Variants in SYNE1 observed in about 807,000 individuals in gnomAD.
The protein encoded by SYNE1 is nesprin-1.
In SYNE1, 616 loss-of-function variants were observed where a neutral mutation model predicts 1,111.0. The ratio of observed to expected loss-of-function variants is 0.55; its 90% CI spans 0.52 to 0.59. The LOEUF (loss-of-function observed/expected upper bound fraction) is 0.59, where lower values mean the gene tolerates loss of function less well. Ranked by LOEUF, SYNE1 falls within the 20% of genes least tolerant of loss-of-function variation. SYNE1 has a pLI of 0.00. For missense variants in SYNE1, 10,006 were observed against 10,417.0 expected, an observed-to-expected ratio of 0.96 and a Z score of 1.72; for synonymous variants, 3,855 against 3,825.8, an observed-to-expected ratio of 1.01 and a Z score of -0.28.
At chr6:152,477,576 C>G (rs766740038) in intron 14 of SYNE1, among the ~76,000 whole-genome samples, 38 of 152,230 alleles carry the variant, frequency 2.5e-4, no homozygotes, top group Non-Finnish European at 4.3e-4. Flanking sequence ...GCAACAACAC[C>G]TAATATCCCA....
intron 25 of SYNE1, 43 bp from the exon 26 acceptor site, chr6:152,451,248 T>C (rs1363353901): frequency 6.2e-7 from 1 of 1,602,316 alleles, no homozygotes; most frequent in East Asian, 2.2e-5. Flanking sequence ...ATGAAGTTCC[T>C]GATTATGTAC....
Position 152,339,306 on chromosome 6 carries a change from T to C in SYNE1, c.12286A>G (p.Met4096Val). 6.2e-7 allele frequency: 1 copy of C among 1,614,108 alleles called. No individual in the cohort carries two copies. The highest frequency in any genetic ancestry group is 8.5e-7 in the Non-Finnish European group (1 of 1,179,950). The change falls in exon 75 of 146, where the codon ATG (methionine) becomes GTG (valine). Residue 4096 changes from methionine to valine, a missense_variant. This residue lies in a region of SYNE1 where 4,955 missense variants were observed against 5,017.2 expected (regional missense o/e 0.99). Coordinates refer to ENST00000367255, the MANE Select transcript of SYNE1 (RefSeq NM_182961.4). ...ARTYLDLLCS[M>V]CDLSNASVKT... is the part of the protein sequence containing the mutation. Reference sequence around the variant, plus strand: ...ACCGAAGCATTTGACAGGTCACACATGGAGCAAAGGAGATCTAGGTAGGTC... The same window carrying C: ...ACCGAAGCATTTGACAGGTCACACACGGAGCAAAGGAGATCTAGGTAGGTC...
At position 152,334,246 on chromosome 6, in the gene SYNE1, G is replaced by T. The variant is rs1046912123; in HGVS notation, c.12556C>A (p.Gln4186Lys). The change falls in exon 77 of 146, where the codon CAG (glutamine) becomes AAG (lysine). Residue 4186 changes from glutamine to lysine, a missense_variant. Physicochemically the swap from Gln to Lys is moderately conservative, Grantham distance 53 (BLOSUM62 1). This residue lies in a region of SYNE1 where 4,955 missense variants were observed against 5,017.2 expected (regional missense o/e 0.99). Coordinates refer to ENST00000367255, the MANE Select transcript of SYNE1 (RefSeq NM_182961.4). ...TCTATTATGGTGTTCACGGATGCCT[G>T]TTTGCTCTGTAGTTTCTTAACAAAA... ...KDFVKKLQSK[Q>K]ASVNTIIEKV... 1 of 1,613,826 alleles carries T rather than the reference G, an allele frequency of 6.2e-7. No individual in the cohort carries two copies. The highest frequency in any genetic ancestry group is 8.5e-7 in the Non-Finnish European group (1 of 1,180,006).
chr6:152,380,273 C>A (rs1433085106), intron 56 of SYNE1, among the ~76,000 whole-genome samples: 1 of 152,042 alleles, frequency 6.6e-6, no homozygotes, highest in Non-Finnish European at 1.5e-5. Flanking sequence ...TACTAAATTT[C>A]CTTTTAAGGA....
rs753069133 is a variant in SYNE1, at chr6:152,364,874, AG to A, written c.10117del (p.Leu3373PhefsTer40). The part of the protein sequence containing the change: ...LQSVKDMWAS[L>X]LSAGIRCKSQ... ...TTTACAACGAATCCCTGCAGACAAA[AG>A]GGATGCCCACATATCCTTCACACTC... On this transcript the variant is annotated frameshift_variant, in exon 63 of 146. Coordinates refer to ENST00000367255, the MANE Select transcript of SYNE1 (RefSeq NM_182961.4). LOFTEE classifies it high-confidence loss of function. 3 of 1,614,048 alleles carry A rather than the reference AG, an allele frequency of 1.9e-6. No individual in the cohort carries two copies. In the African/African-American group the frequency reaches 4.0e-5, roughly 22 times the overall value.
chr6:152,567,620 C>T (rs2099418328), intron 3 of SYNE1, among the ~76,000 whole-genome samples: 1 of 152,154 alleles, frequency 6.6e-6, no homozygotes, highest in Non-Finnish European at 1.5e-5. Context: ...GCCTGAAACT[C>T]TCCTTCTATT....
chr6:152,363,362 CGG>C (rs2096976697), intron 63 of SYNE1, among the ~76,000 whole-genome samples: 3 of 149,642 alleles, frequency 2.0e-5, no homozygotes, highest in South Asian at 4.2e-4. Context: ...GGCATGGTGG[CGG>C]GCGCCTGTAG....
chr6:152,376,118 C>T (rs1045186748), intron 58 of SYNE1: 2 of 419,808 alleles, frequency 4.8e-6, no homozygotes, highest in African/African-American at 2.0e-5. Context: ...AGAAGGAGCA[C>T]ACAGCCTAGT....
chr6:152,209,756 GA>G (rs112146398), intron 124 of SYNE1, among the ~76,000 whole-genome samples: 20,394 of 130,068 alleles, frequency 0.16, 1,457 homozygotes, highest in East Asian at 0.24. Context: ...TCTCAAAAAA[GA>G]AAAAAAAAAA....
Position 152,294,115 on chromosome 6 carries a change from A to G in SYNE1, c.17695T>C (p.Tyr5899His). The change falls in exon 94 of 146, where the codon TAC (tyrosine) becomes CAC (histidine). Residue 5899 changes from tyrosine to histidine, a missense_variant. Transcript: ENST00000367255. ...DASVNQDIAY[Y>H]QALSAERLQT... Reference sequence around the variant, plus strand: ...AACCTCTCAGCAGACAAGGCTTGGTAATATGCAATGTCCTGTGAGTGCAAA... The same window carrying G: ...AACCTCTCAGCAGACAAGGCTTGGTGATATGCAATGTCCTGTGAGTGCAAA... The G allele has an allele frequency of 6.2e-7, 1 of 1,613,700 alleles. No individual in the cohort carries two copies. The highest frequency in any genetic ancestry group is 8.5e-7 in the Non-Finnish European group (1 of 1,179,996).
intron 6 of SYNE1, among the ~76,000 whole-genome samples, chr6:152,518,497 G>A (rs950183320): frequency 3.3e-5 from 5 of 151,782 alleles, no homozygotes; most frequent in African/African-American, 7.3e-5. Context: ...TTCTCCTTCC[G>A]CCATGATTGT....
In SYNE1 at chr6:152,433,876, G is replaced by C. The variant is rs754437869; in HGVS notation, c.4380C>G (p.Val1460=). Residue 1460 remains valine, a synonymous_variant, in exon 34 of 146, where the codon GTC becomes GTG. Coordinates refer to ENST00000367255, the MANE Select transcript of SYNE1 (RefSeq NM_182961.4). ...GTTCTTTTTCTTTCTCAGTTATCCA[G>C]ACGGACAGAGTCTCAAAATTACTGC... ...HFGSNFETLS[V]WITEKEKELN... is the part of the protein sequence containing the mutation. The C allele has an allele frequency of 6.2e-7, 1 of 1,613,822 alleles. No homozygotes were observed. Among genetic ancestry groups the C allele is most frequent in the South Asian group, 1.1e-5 (1 of 91,072 alleles).
At chr6:152,346,678 C>T (rs545817574) in intron 73 of SYNE1, among the ~76,000 whole-genome samples, 22 of 151,846 alleles carry the variant, frequency 1.4e-4, no homozygotes, top group South Asian at 2.1e-4. Flanking sequence ...GGCGTGGTGG[C>T]GGGCGCCTGT....
chr6:152,167,846 G>T (rs369107920), intron 130 of SYNE1: 10 of 650,186 alleles, frequency 1.5e-5, no homozygotes, highest in Middle Eastern at 2.6e-4. Context: ...CTTGTATGAC[G>T]CATACGGTCC....
intron 97 of SYNE1, 132 bp downstream of exon 97, chr6:152,281,675 C>A (rs1266807090): frequency 1.6e-5 from 16 of 977,740 alleles, no homozygotes; most frequent in Non-Finnish European, 2.5e-5. Context: ...CTTTTCTATT[C>A]TTTAAATGTA....
At chr6:152,430,354 T>C in intron 35 of SYNE1, 128 bp downstream of exon 35, 1 of 1,143,456 alleles carries the variant, frequency 8.7e-7, no homozygotes, top group South Asian at 1.3e-5. Flanking sequence ...ACATCTAAAA[T>C]CAACATGTCC....
At position 152,287,810 on chromosome 6, in the gene SYNE1, G is replaced by C. The variant is rs529455387; in HGVS notation, c.18013-3638C>G. Among the ~76,000 whole-genome samples the C allele has an allele frequency of 6.6e-5, 10 of 152,232 alleles. No individual in the cohort carries two copies. The South Asian group carries it at 1.7e-3, about 25-fold the overall frequency. On this transcript the variant is annotated intron_variant, in intron 95 of 145. Coordinates refer to ENST00000367255, the MANE Select transcript of SYNE1 (RefSeq NM_182961.4). ...GATCTGCCCGCTTCAGCCTCCCAAA[G>C]TGCTGGGATTACAGGCATGAGCCAC...
intron 129 of SYNE1, among the ~76,000 whole-genome samples, chr6:152,178,075 G>A (rs1229139863): frequency 6.6e-6 from 1 of 151,920 alleles, no homozygotes; most frequent in African/African-American, 2.4e-5. Context: ...AATATACGAG[G>A]TAGTATAGTT....
In SYNE1 at chr6:152,608,610, A is replaced by G. The variant is rs575380079; in HGVS notation, c.67+19655T>C. 2.6e-5 allele frequency among the ~76,000 whole-genome samples: 4 copies of G among 152,276 alleles called. No homozygotes were observed. The East Asian group carries it at 5.8e-4, about 22-fold the overall frequency. ...TAAATGCTTGACTTTGTACCCGTCA[A>G]TCTTTAGGAACCTCAGTTACTTGTC... On this transcript the variant is annotated intron_variant, in intron 3 of 145. Transcript: ENST00000367255.
Sources: gnomAD v4.1 joint callset for allele counts (sites outside exome capture counted in the v4.1 genomes callset) on GRCh38, gnomAD v4.1.1 for gene constraint, gnomAD v4.1.1 regional missense constraint, MANE v1.5 for transcripts, NCBI Gene and HGNC (gene_info 2026-07-23, HGNC 2026-07-21) for gene names.